The following IKZF2 variants were observed in gnomAD, a reference collection of about 807,000 sequenced individuals.
IKZF2 encodes the protein zinc finger protein Helios.
In IKZF2, 15 loss-of-function variants were observed where a neutral mutation model predicts 49.2. The observed-to-expected ratio is 0.30, with a 90% CI of 0.20 to 0.47. IKZF2 has a LOEUF of 0.47. Ranked by LOEUF, IKZF2 falls within the 20% of genes least tolerant of loss-of-function variation. The pLI is 1.00. For missense variants in IKZF2, 567 were observed against 664.6 expected (o/e 0.85, Z 1.61); for synonymous variants, 227 against 221.4 (o/e 1.03, Z -0.23).
chr2:213,148,929 A>C (rs181687473), intron 2 of IKZF2, among the ~76,000 whole-genome samples: 1 of 152,356 alleles, frequency 6.6e-6, no homozygotes, highest in East Asian at 1.9e-4. Context: ...GGGTTTAAGA[A>C]AAAATAGGGG....
intron 6 of IKZF2, among the ~76,000 whole-genome samples, chr2:213,047,726 G>A (rs1342282781): frequency 6.6e-6 from 1 of 152,054 alleles, no homozygotes; most frequent in East Asian, 1.9e-4. Flanking sequence ...GCTATACAAT[G>A]AGGACAAGAA....
intron 4 of IKZF2, among the ~76,000 whole-genome samples, chr2:213,140,298 C>G (rs550795768): frequency 6.6e-6 from 1 of 151,970 alleles, no homozygotes; most frequent in African/African-American, 2.4e-5. Flanking sequence ...ACTGTCCCAT[C>G]TAGGTAACCT....
intron 7 of IKZF2, among the ~76,000 whole-genome samples, chr2:213,016,125 C>T (rs930702128): frequency 9.2e-5 from 14 of 152,066 alleles, no homozygotes; most frequent in African/African-American, 9.7e-5. Flanking sequence ...TCTACCACAT[C>T]GGCAATAATA....
intron 4 of IKZF2, among the ~76,000 whole-genome samples, chr2:213,115,501 T>C (rs2059842463): frequency 6.6e-6 from 1 of 152,232 alleles, no homozygotes; most frequent in Admixed American, 6.5e-5. Context: ...GCAGAGGTTC[T>C]TGAGATAATG....
chr2:213,141,800 C>T (rs982196089), intron 4 of IKZF2, among the ~76,000 whole-genome samples: 3 of 151,942 alleles, frequency 2.0e-5, no homozygotes, highest in Admixed American at 1.3e-4. Context: ...CTTTATTCAC[C>T]TTTGGATTCA....
At chr2:213,111,899 C>A (rs1181982427) in intron 4 of IKZF2, among the ~76,000 whole-genome samples, 4 of 152,056 alleles carry the variant, frequency 2.6e-5, no homozygotes, top group East Asian at 1.9e-4. Context: ...AAATAAATTT[C>A]TTTTGTTAAT....
chr2:213,054,528 C>A (rs1241086194), intron 5 of IKZF2, among the ~76,000 whole-genome samples: 1 of 152,134 alleles, frequency 6.6e-6, no homozygotes, highest in African/African-American at 2.4e-5. Context: ...TGGCAGGACA[C>A]ACTCAGATGT....
At chr2:213,138,978 T>A (rs2060775373) in intron 4 of IKZF2, among the ~76,000 whole-genome samples, 1 of 152,020 alleles carries the variant, frequency 6.6e-6, no homozygotes, top group South Asian at 2.1e-4. Context: ...GCTGACCACA[T>A]CAGCTGTCGA....
chr2:213,128,903 C>A (rs962152925), intron 4 of IKZF2, among the ~76,000 whole-genome samples: 3 of 148,352 alleles, frequency 2.0e-5, no homozygotes, highest in African/African-American at 7.4e-5. Context: ...CCACCCGTCT[C>A]GGCCTCCCAA....
intron 4 of IKZF2, among the ~76,000 whole-genome samples, chr2:213,145,729 G>T (rs2061034843): frequency 2.0e-5 from 3 of 152,100 alleles, no homozygotes; most frequent in Admixed American, 2.0e-4. Context: ...GCAAGAGACA[G>T]CTCTGAAGTG....
intron 4 of IKZF2, among the ~76,000 whole-genome samples, chr2:213,119,378 A>G (rs1457500948): frequency 6.6e-6 from 1 of 152,166 alleles, no homozygotes; most frequent in Non-Finnish European, 1.5e-5. Context: ...TTAATGAAAT[A>G]GGTCAGCTCG....
intron 4 of IKZF2, among the ~76,000 whole-genome samples, chr2:213,060,429 C>A (rs73987749): frequency 6.6e-6 from 1 of 151,276 alleles, no homozygotes; most frequent in Non-Finnish European, 1.5e-5. Flanking sequence ...GAGTGCTTTA[C>A]TTTTCAAATA....
intron 4 of IKZF2, among the ~76,000 whole-genome samples, chr2:213,118,172 A>T (rs1242164018): frequency 6.6e-6 from 1 of 152,234 alleles, no homozygotes; most frequent in East Asian, 1.9e-4. Context: ...TGGACACCAC[A>T]ATAGAAACAC....
chr2:213,148,770 T>C, intron 2 of IKZF2, 126 bp from the exon 3 acceptor site: 2 of 690,898 alleles, frequency 2.9e-6, no homozygotes, highest in Non-Finnish European at 2.6e-6. Context: ...CCCAGAAACA[T>C]ACACAGTGTA....
rs1695253349 is a variant in IKZF2, at chr2:213,005,260, A to C, written c.*2100T>G. ...TAGGTTGTATGTTCACTATGTACCA[A>C]GGCATGCAGAAAAAAAAAAATGAAA... is the stretch of plus-strand genomic sequence containing the variant. On this transcript the variant is annotated 3_prime_UTR_variant, in exon 9 of 9. Coordinates refer to ENST00000434687, the MANE Select transcript of IKZF2 (RefSeq NM_001387220.1). 1 of 149,222 alleles carries C rather than the reference A, an allele frequency of 6.7e-6. No homozygotes were observed. The highest frequency in any genetic ancestry group is 2.5e-5 in the African/African-American group (1 of 39,560). The allele number at this position is 149,222 out of a possible 1,614,324, so 9.2% of individuals were successfully genotyped here. A position where few individuals can be genotyped will look rare whatever the true frequency, so the allele number is the denominator to read the frequency against.
At chr2:213,041,733 T>G (rs909960031) in intron 6 of IKZF2, among the ~76,000 whole-genome samples, 2 of 152,206 alleles carry the variant, frequency 1.3e-5, no homozygotes, top group Non-Finnish European at 2.9e-5. Flanking sequence ...AGTTATTATT[T>G]TTTTCTTTCT....
At chr2:213,042,187 G>T (rs1699729485) in intron 6 of IKZF2, among the ~76,000 whole-genome samples, 2 of 150,372 alleles carry the variant, frequency 1.3e-5, no homozygotes, top group African/African-American at 2.5e-5. Context: ...AAGCTTTATA[G>T]AATAAACATA....
rs760396748 is a variant in IKZF2, at chr2:213,007,273, C to T, written c.*87G>A. ...TTAAAAAAAATAAAAGGTATGTCAA[C>T]ATTTGAGGAAAGGTGGGATTGTAAG... On this transcript the variant is annotated 3_prime_UTR_variant, in exon 9 of 9. Transcript: ENST00000434687. 50 of 1,387,770 alleles carry T rather than the reference C, an allele frequency of 3.6e-5. No individual in the cohort carries two copies. The highest frequency in any genetic ancestry group is 4.7e-5 in the Non-Finnish European group (48 of 1,019,374). The allele number at this position is 1,387,770 out of a possible 1,614,324, so 86.0% of individuals were successfully genotyped here. A position where few individuals can be genotyped will look rare whatever the true frequency, so the allele number is the denominator to read the frequency against.
intron 4 of IKZF2, among the ~76,000 whole-genome samples, chr2:213,075,465 T>C (rs1395845042): frequency 2.6e-5 from 4 of 152,154 alleles, no homozygotes. Flanking sequence ...TATCTTATCC[T>C]ATATTTGAGT....
Sources: gnomAD v4.1 joint callset for allele counts (sites outside exome capture counted in the v4.1 genomes callset) on GRCh38, gnomAD v4.1.1 for gene constraint, MANE v1.5 for transcripts, NCBI Gene and HGNC (gene_info 2026-07-23, HGNC 2026-07-21) for gene names.